Variants in S100A1 observed in about 807,000 individuals in gnomAD.
S100A1 encodes S100 calcium binding protein A1.
S100A1 carries 3 observed loss-of-function variants against 7.6 expected under a neutral mutation model. That is an observed-to-expected ratio of 0.40 (90% CI 0.18 to 1.02). The LOEUF (loss-of-function observed/expected upper bound fraction) is 1.02, where lower values mean the gene tolerates loss of function less well. S100A1 is among the 50% of genes least tolerant of loss of function. S100A1 has a pLI of 0.35. For synonymous variants in S100A1, 49 were observed against 49.0 expected (o/e 1.00, Z 0.00); for missense variants, 126 against 115.0 (o/e 1.10, Z -0.44).
intron 1 of S100A1, chr1:153,629,972 T>C (rs145626657): frequency 0.01 from 1,568 of 156,782 alleles, 26 homozygotes; most frequent in African/African-American, 0.035. Flanking sequence ...CGCCACCCAC[T>C]GGGGCTGCCA....
chr1:153,630,231 T>C (rs1451254175), intron 1 of S100A1: 1 of 486,524 alleles, frequency 2.1e-6, no homozygotes. Flanking sequence ...CACAGGCCTC[T>C]GGAGCCAGCC....
At chr1:153,628,852 C>A (rs945379952) in intron 1 of S100A1, 1 of 280,742 alleles carries the variant, frequency 3.6e-6, no homozygotes, top group Non-Finnish European at 6.8e-6. Flanking sequence ...CCCTCCCCTG[C>A]CTCGCCTCCT....
chr1:153,629,352 G>T (rs41265179), intron 1 of S100A1: 6,274 of 152,266 alleles, frequency 0.041, 211 homozygotes, highest in Non-Finnish European at 0.062. Flanking sequence ...CTCAGGTCCG[G>T]AGTTCAGATG....
intron 1 of S100A1, chr1:153,629,285 C>T (rs1200623698): frequency 1.3e-5 from 2 of 152,312 alleles, no homozygotes; most frequent in African/African-American, 4.8e-5. Context: ...CACCCCTTAT[C>T]CCCTCATCAG....
chr1:153,628,877 G>A (rs914578797), intron 1 of S100A1: 7 of 223,662 alleles, frequency 3.1e-5, no homozygotes, highest in Admixed American at 5.0e-5. Context: ...GGTAAGAAGA[G>A]AGCAGATACA....
chr1:153,628,824 T>A (rs986813173), intron 1 of S100A1: 32 of 359,624 alleles, frequency 8.9e-5, no homozygotes, highest in Non-Finnish European at 1.3e-4. Context: ...GTCTCCCAGG[T>A]GTTGGGAAGG....
At chr1:153,631,665 A>C in intron 2 of S100A1, 33 bp from the exon 3 acceptor site, 1 of 1,613,700 alleles carries the variant, frequency 6.2e-7, no homozygotes, top group Non-Finnish European at 8.5e-7. Context: ...ACCCTTCCCT[A>C]TACACCTCCC....
At chr1:153,628,699 G>A (rs755406484) in intron 1 of S100A1, 130 of 901,790 alleles carry the variant, frequency 1.4e-4, no homozygotes, top group South Asian at 1.8e-4. Flanking sequence ...ACTGAAGGTC[G>A]GAGAGAGAGC....
intron 1 of S100A1, chr1:153,628,842 C>T: frequency 3.2e-6 from 1 of 307,730 alleles, no homozygotes; most frequent in African/African-American, 2.1e-5. Flanking sequence ...AGGGTCCCAG[C>T]CCTCCCCTGC....
At position 153,631,808 on chromosome 1, in the gene S100A1, G is replaced by C. The variant is rs201111962; in HGVS notation, c.252G>C (p.Val84=). The change falls in exon 3 of 3, where the codon GTG becomes GTC. Residue 84 remains valine (V), a synonymous_variant. Transcript: ENST00000292169. ...TGGTGCTTGTGGCTGCTCTCACAGT[G>C]GCCTGTAACAATTTCTTCTGGGAGA... ...EYVVLVAALT[V]ACNNFFWENS The C allele has an allele frequency of 2.6e-4, 423 of 1,614,000 alleles. No individual in the cohort carries two copies. Among genetic ancestry groups the C allele is most frequent in the Non-Finnish European group, 3.3e-4 (393 of 1,180,044 alleles).
rs530981857 is a variant in S100A1 at position 153,631,945 on chromosome 1, C to T, written c.*104C>T. ...ACTTATCCCTCTCCATAACCCCACC[C>T]TTGCCCACCCCACCCCCACCCCCAC... On this transcript the variant is annotated 3_prime_UTR_variant, in exon 3 of 3. Transcript: ENST00000292169. The T allele has an allele frequency of 5.1e-6, 7 of 1,360,598 alleles. No homozygotes were observed. The African/African-American group carries it at 6.0e-5, about 12-fold the overall frequency. 84.3% of individuals were successfully genotyped at this position (1,360,598 alleles called of 1,614,324 possible). A position where few individuals can be genotyped will look rare whatever the true frequency, so the allele number is the denominator to read the frequency against.
rs1339157401 is a variant in S100A1, at chr1:153,628,495, C to T, written c.-15C>T. The T allele has an allele frequency of 1.9e-6, 3 of 1,550,604 alleles. No individual in the cohort carries two copies. Among genetic ancestry groups the T allele is most frequent in the Non-Finnish European group, 1.7e-6 (2 of 1,146,976 alleles). On this transcript the variant is annotated splice_region_variant and 5_prime_UTR_variant, in exon 1 of 3. Transcript: ENST00000292169. ...TGCTCCCACCTCAGGCCCAGGCCAA[C>T]CGTGAGTACCCTGCCCCACTGGGCT...
Position 153,630,599 on chromosome 1 carries a change from G to A in S100A1, c.78G>A (p.Lys26=), listed in dbSNP as rs771796783. 3.7e-6 allele frequency: 6 copies of A among 1,614,278 alleles called. No individual in the cohort carries two copies. The highest frequency in any genetic ancestry group is 3.4e-6 in the Non-Finnish European group (4 of 1,180,056). ...FHAHSGKEGD[K]YKLSKKELKE... Reference sequence around the variant, plus strand: ...CCCACTCGGGCAAAGAGGGGGACAAGTACAAGCTGAGCAAGAAGGAGCTGA... The same window carrying A: ...CCCACTCGGGCAAAGAGGGGGACAAATACAAGCTGAGCAAGAAGGAGCTGA... The change falls in exon 2 of 3, where the codon AAG becomes AAA. Residue 26 remains lysine (K), a synonymous_variant. Coordinates refer to ENST00000292169, the MANE Select transcript of S100A1 (RefSeq NM_006271.2).
rs1667934628 is a variant in S100A1, at chr1:153,630,388, G to C, written c.-13-121G>C. 4.1e-6 allele frequency: 5 copies of C among 1,230,534 alleles called. No homozygotes were observed. The East Asian group carries it at 1.3e-4, about 31-fold the overall frequency. The allele number at this position is 1,230,534 out of a possible 1,614,324, so 76.2% of individuals were successfully genotyped here. ...TCTCAGGGAAAGATCAATTGCAGTA[G>C]GGCTCTAATCCCACAGCTATTTGAG... On this transcript the variant is annotated intron_variant, in intron 1 of 2. Transcript: ENST00000292169.
intron 2 of S100A1, chr1:153,631,471 G>A (rs760830172): frequency 2.4e-5 from 38 of 1,590,242 alleles, no homozygotes; most frequent in Non-Finnish European, 2.6e-5. Flanking sequence ...TATAGGCACT[G>A]AACATACGGT....
chr1:153,628,697 T>A, intron 1 of S100A1: 1 of 911,838 alleles, frequency 1.1e-6, no homozygotes, highest in Non-Finnish European at 1.6e-6. Context: ...GAACTGAAGG[T>A]CGGAGAGAGA....
chr1:153,629,271 C>T (rs541673086), intron 1 of S100A1: 17 of 152,384 alleles, frequency 1.1e-4, no homozygotes, highest in African/African-American at 3.9e-4. Flanking sequence ...ACCCCTCCCT[C>T]AAGCACCCCT....
intron 1 of S100A1, 48 bp downstream of exon 1, chr1:153,628,544 G>A (rs932678091): frequency 1.3e-6 from 2 of 1,548,192 alleles, no homozygotes; most frequent in East Asian, 4.9e-5. Flanking sequence ...CCAGCTTCAG[G>A]GAGAGGGGTC....
chr1:153,631,709 T>G lies in S100A1; in HGVS notation c.153T>G (p.Asp51Glu). The part of the protein sequence containing the change: ...ELSGFLDAQK[D>E]VDAVDKVMKE... ...TCCTCCCACCACAGGCCCAGAAGGATGTGGATGCTGTGGACAAGGTGATGA... is the reference window on the plus strand; with the variant it reads ...TCCTCCCACCACAGGCCCAGAAGGAGGTGGATGCTGTGGACAAGGTGATGA... The change falls in exon 3 of 3, where the codon GAT (aspartate) becomes GAG (glutamate). Residue 51 changes from aspartate (D) to glutamate (E), a missense_variant. Asp to Glu is a conservative substitution (Grantham distance 45). Coordinates refer to ENST00000292169, the MANE Select transcript of S100A1 (RefSeq NM_006271.2). 1.2e-6 allele frequency: 2 copies of G among 1,614,118 alleles called. No individual in the cohort carries two copies. The highest frequency in any genetic ancestry group is 2.2e-5 in the South Asian group (2 of 91,080).
Sources: allele counts gnomAD v4.1 joint callset, GRCh38; gene constraint gnomAD v4.1.1; transcripts MANE v1.5; gene names NCBI Gene and HGNC (gene_info 2026-07-23, HGNC 2026-07-21).